Variants in MIA3 observed in about 807,000 individuals in gnomAD.
MIA3 encodes MIA SH3 domain ER export factor 3, also known as transport and Golgi organization protein 1 homolog.
A neutral mutation model predicts 192.4 loss-of-function variants in MIA3; 90 were observed. The ratio of observed to expected loss-of-function variants is 0.47; its 90% CI spans 0.39 to 0.56. MIA3 has a LOEUF of 0.56. Ranked by LOEUF, MIA3 falls within the 20% of genes least tolerant of loss-of-function variation. MIA3 has a pLI of 0.00. For missense variants in MIA3, 2,123 were observed against 2,269.4 expected (o/e 0.94, Z 1.31); for synonymous variants, 740 against 792.8 (o/e 0.93, Z 1.12).
intron 6 of MIA3, chr1:222,644,696 CA>C: frequency 8.3e-7 from 1 of 1,209,694 alleles, no homozygotes; most frequent in Non-Finnish European, 1.2e-6. Flanking sequence ...TGGAGTGTGT[CA>C]GATCCGAGGA....
chr1:222,637,623 A>G (rs1203131343), intron 6 of MIA3, among the ~76,000 whole-genome samples: 1 of 151,994 alleles, frequency 6.6e-6, no homozygotes, highest in Non-Finnish European at 1.5e-5. Context: ...ACTCTTTCTA[A>G]TAATCATTAT....
At chr1:222,632,942 CAA>C (rs879069028) in intron 5 of MIA3, among the ~76,000 whole-genome samples, 160 bp from the exon 6 acceptor site, 2 of 152,240 alleles carry the variant, frequency 1.3e-5, no homozygotes, top group South Asian at 4.1e-4. Context: ...TAGACCGACA[CAA>C]AGAGTATTTC....
chr1:222,653,254 G>A lies in MIA3; in HGVS notation c.4236G>A (p.Leu1412=). Residue 1412 remains leucine, a synonymous_variant, in exon 15 of 28, where the codon TTG becomes TTA. Coordinates refer to ENST00000344922, the MANE Select transcript of MIA3 (RefSeq NM_198551.4). ...INALTNCITQ[L]NLLECESESE... ...CTTTGACTAACTGCATTACACAGTTGAATCTGTTAGAGTGTGAATCTGAAT... is the reference window on the plus strand; with the variant it reads ...CTTTGACTAACTGCATTACACAGTTAAATCTGTTAGAGTGTGAATCTGAAT... The A allele has an allele frequency of 1.9e-6, 3 of 1,613,582 alleles. No individual in the cohort carries two copies. The highest frequency in any genetic ancestry group is 2.5e-6 in the Non-Finnish European group (3 of 1,179,568).
intron 8 of MIA3, among the ~76,000 whole-genome samples, chr1:222,650,044 T>A (rs1008653774): frequency 6.6e-6 from 1 of 152,108 alleles, no homozygotes; most frequent in African/African-American, 2.4e-5. Flanking sequence ...AAACCACTCA[T>A]GAGAAATCTA....
chr1:222,621,434 G>A (rs1233297502), intron 2 of MIA3, 142 bp downstream of exon 2: 4 of 806,574 alleles, frequency 5.0e-6, no homozygotes, highest in Non-Finnish European at 7.7e-6. Flanking sequence ...AGATGGCCCT[G>A]TGTCCCCAGC....
Position 222,641,318 on chromosome 1 carries a change from C to T in MIA3, c.3478-4236C>T, listed in dbSNP as rs181911580. ...GTTTATTTTTTCTGCCCAGCTGGCA[C>T]ATTTACTGGCATTAAATATAAGACC... On this transcript the variant is annotated intron_variant, in intron 6 of 27. Coordinates refer to ENST00000344922, the MANE Select transcript of MIA3 (RefSeq NM_198551.4). 2.5e-3 allele frequency: 622 copies of T among 248,766 alleles called. 2 individuals are homozygous for T. Among genetic ancestry groups the T allele is most frequent in the Non-Finnish European group, 4.2e-3 (512 of 123,196 alleles). The allele number at this position is 248,766 out of a possible 1,614,324, so 15.4% of individuals were successfully genotyped here.
rs1436985417 is a variant in MIA3 at position 222,665,476 on chromosome 1, C to T, written c.5581C>T (p.Pro1861Ser). The T allele has an allele frequency of 6.2e-7, 1 of 1,613,976 alleles. No homozygotes were observed. Among genetic ancestry groups the T allele is most frequent in the South Asian group, 1.1e-5 (1 of 91,070 alleles). ...REYFIPGTRL[P>S]PPTHGPQEYP... Reference sequence around the variant, plus strand: ...GTACTTTATTCCTGGTACCCGATTACCACCCCCAACCCATGGTCCCCAGGA... The same window carrying T: ...GTACTTTATTCCTGGTACCCGATTATCACCCCCAACCCATGGTCCCCAGGA... Residue 1861 changes from proline (P) to serine (S), a missense_variant, in exon 28 of 28, where the codon CCA becomes TCA. Transcript: ENST00000344922.
intron 9 of MIA3, 50 bp from the exon 10 acceptor site, chr1:222,650,584 G>T (rs770306789): frequency 3.1e-6 from 4 of 1,275,238 alleles, no homozygotes; most frequent in Non-Finnish European, 4.5e-6. Context: ...ATAAGTTCTG[G>T]TAGCACTATA....
At chr1:222,655,638 G>C (rs1157080020) in intron 18 of MIA3, among the ~76,000 whole-genome samples, 2 of 152,196 alleles carry the variant, frequency 1.3e-5, no homozygotes, top group Admixed American at 1.3e-4. Flanking sequence ...AGCCAGTTTA[G>C]ATTTTCCAGG....
intron 18 of MIA3, among the ~76,000 whole-genome samples, chr1:222,658,404 T>C (rs548058085): frequency 6.6e-6 from 1 of 152,322 alleles, no homozygotes; most frequent in Admixed American, 6.5e-5. Context: ...CTGTGTTAGG[T>C]TGATCAGTCC....
chr1:222,619,394 C>T (rs1162185402), intron 1 of MIA3, among the ~76,000 whole-genome samples: 1 of 152,190 alleles, frequency 6.6e-6, no homozygotes, highest in African/African-American at 2.4e-5. Context: ...TATGGTTTAG[C>T]TATTTATATT....
At chr1:222,662,226 C>T (rs1226079655) in intron 25 of MIA3, 27 bp from the exon 26 acceptor site, 3 of 1,606,160 alleles carry the variant, frequency 1.9e-6, no homozygotes, top group African/African-American at 2.7e-5. Flanking sequence ...CAGAATAAGT[C>T]TACATCAGTT....
chr1:222,628,320 C>T lies in MIA3; in HGVS notation c.1100C>T (p.Thr367Ile), dbSNP rs1356646885. ...NSNEEDKVQL[T>I]VPPGIKNDDK... The stretch of plus-strand genomic sequence containing the variant: ...AATGAAGAGGACAAGGTTCAGCTAA[C>T]TGTGCCCCCTGGCATCAAAAATGAT... The change falls in exon 4 of 28, where the codon ACT becomes ATT. Residue 367 changes from threonine (T) to isoleucine (I), a missense_variant. By Grantham distance (89) the Thr-to-Ile change is moderately conservative. Transcript: ENST00000344922. The T allele has an allele frequency of 1.9e-6, 3 of 1,613,642 alleles. No individual in the cohort carries two copies. The highest frequency in any genetic ancestry group is 4.5e-5 in the East Asian group (2 of 44,880).
chr1:222,645,882 G>T, intron 7 of MIA3, 197 bp downstream of exon 7: 4 of 443,532 alleles, frequency 9.0e-6, no homozygotes, highest in South Asian at 2.8e-5. Flanking sequence ...AATCTCAGTG[G>T]GAAAACTTCA....
Position 222,632,332 on chromosome 1 carries a change from G to A in MIA3, c.3331+6G>A. The A allele has an allele frequency of 6.2e-7, 1 of 1,605,948 alleles. No homozygotes were observed. The highest frequency in any genetic ancestry group is 8.5e-7 in the Non-Finnish European group (1 of 1,177,568). On this transcript the variant is annotated splice_donor_region_variant and intron_variant, in intron 5 of 27. Coordinates refer to ENST00000344922, the MANE Select transcript of MIA3 (RefSeq NM_198551.4). ...TGAGAAAGACCTGGACCCAGGTAAAGCCTGCTAATTTTTTTCTACAAAGTG... is the reference window on the plus strand; with the variant it reads ...TGAGAAAGACCTGGACCCAGGTAAAACCTGCTAATTTTTTTCTACAAAGTG...
chr1:222,650,974 T>C, intron 11 of MIA3, 71 bp downstream of exon 11: 3 of 873,070 alleles, frequency 3.4e-6, no homozygotes, highest in Non-Finnish European at 5.4e-6. Flanking sequence ...AGTTGAACTC[T>C]TTATTTTCCA....
intron 6 of MIA3, among the ~76,000 whole-genome samples, chr1:222,636,506 CTTTTTTTTTTTT>C (rs34208115): frequency 2.7e-5 from 2 of 74,038 alleles, no homozygotes; most frequent in Non-Finnish European, 5.6e-5. Context: ...TAGTGTCCAT[CTTTTTTTTTTTT>C]TTTTTTTTTT....
intron 26 of MIA3, 136 bp downstream of exon 26, chr1:222,662,468 T>C: frequency 1.3e-6 from 2 of 1,498,606 alleles, no homozygotes; most frequent in South Asian, 1.3e-5. Context: ...CAAACTGTTC[T>C]CCAAGAGCCT....
chr1:222,661,170 A>G (rs1039069080), intron 24 of MIA3: 5 of 152,678 alleles, frequency 3.3e-5, no homozygotes, highest in Admixed American at 3.3e-4. Flanking sequence ...CAATAACATA[A>G]ACCTTGAATA....
Sources: allele counts gnomAD v4.1 joint callset (sites outside exome capture counted in the v4.1 genomes callset), GRCh38; gene constraint gnomAD v4.1.1; transcripts MANE v1.5; gene names NCBI Gene and HGNC (gene_info 2026-07-23, HGNC 2026-07-21).